SMARCA5: variants seen among roughly 807,000 people sequenced by gnomAD.
SMARCA5 encodes SWI/SNF-related matrix-associated actin-dependent regulator of chromatin subfamily A member 5.
A neutral mutation model predicts 140.4 loss-of-function variants in SMARCA5; 18 were observed. That is an observed-to-expected ratio of 0.13 (90% CI 0.09 to 0.19). The LOEUF (loss-of-function observed/expected upper bound fraction) is 0.19. Ranked by LOEUF, SMARCA5 falls within the 10% of genes least tolerant of loss-of-function variation. The pLI, the probability that SMARCA5 is intolerant of heterozygous loss-of-function variation, is 1.00. For synonymous variants in SMARCA5, 449 were observed against 419.6 expected, an observed-to-expected ratio of 1.07 and a Z score of -0.86; for missense variants, 606 against 1,276.8, an observed-to-expected ratio of 0.47 and a Z score of 8.01.
chr4:143,526,175 A>T, intron 5 of SMARCA5, 106 bp from the exon 6 acceptor site: 1 of 915,470 alleles, frequency 1.1e-6, no homozygotes, highest in Non-Finnish European at 1.7e-6. Flanking sequence ...ATTAACTGTT[A>T]TAAATATGTA....
intron 21 of SMARCA5, among the ~76,000 whole-genome samples, 164 bp from the exon 22 acceptor site, chr4:143,547,764 A>G (rs575187804): frequency 5.3e-5 from 8 of 152,206 alleles, no homozygotes; most frequent in African/African-American, 1.9e-4. Context: ...AATAAAGACT[A>G]TAAAGGTCTT....
At chr4:143,536,416 A>T (rs755523954) in intron 10 of SMARCA5, 36 bp from the exon 11 acceptor site, 1 of 1,426,578 alleles carries the variant, frequency 7.0e-7, no homozygotes, top group African/African-American at 1.5e-5. Flanking sequence ...ATCAAGGAAC[A>T]TTTGAGCTCT....
At chr4:143,523,184 G>A (rs1195042399) in intron 3 of SMARCA5, among the ~76,000 whole-genome samples, 6 of 151,998 alleles carry the variant, frequency 3.9e-5, no homozygotes, top group East Asian at 1.9e-4. Context: ...ACGCCACCAC[G>A]CCCAGCTCAT....
At chr4:143,536,404 T>A (rs750742184) in intron 10 of SMARCA5, 48 bp from the exon 11 acceptor site, 2 of 1,301,598 alleles carry the variant, frequency 1.5e-6, no homozygotes, top group East Asian at 4.6e-5. Flanking sequence ...TGGCAGGGAT[T>A]GATCAAGGAA....
chr4:143,552,941 AGG>A (rs1737674761), intron 23 of SMARCA5, among the ~76,000 whole-genome samples, 176 bp from the exon 24 acceptor site: 2 of 33,540 alleles, frequency 6.0e-5, no homozygotes, highest in Admixed American at 6.4e-4. Flanking sequence ...TAAAATAAGT[AGG>A]TAAGATTATT....
chr4:143,523,086 GT>G (rs1394836307), intron 3 of SMARCA5, among the ~76,000 whole-genome samples: 3 of 152,108 alleles, frequency 2.0e-5, no homozygotes, highest in African/African-American at 7.2e-5. Flanking sequence ...CCAGGCTGGA[GT>G]GCGTGCAGTG....
rs1560825718 is a variant in SMARCA5, at chr4:143,556,976, G to A, written c.*3792G>A. Reference sequence around the variant, plus strand: ...GAATAGTTTCTCCACAGGCATAAGAGGCAAAGCATTGTTTCAGAAGTGGAC... The same window carrying A: ...GAATAGTTTCTCCACAGGCATAAGAAGCAAAGCATTGTTTCAGAAGTGGAC... On this transcript the variant is annotated 3_prime_UTR_variant, in exon 24 of 24. Transcript: ENST00000283131. 6.6e-6 allele frequency: 1 copy of A among 152,190 alleles called. No homozygotes were observed. The highest frequency in any genetic ancestry group is 1.9e-4 in the East Asian group (1 of 5,196). The allele number at this position is 152,190 out of a possible 1,614,324, so 9.4% of individuals were successfully genotyped here.
At chr4:143,553,065 A>G in intron 23 of SMARCA5, 54 bp from the exon 24 acceptor site, 4 of 1,321,136 alleles carry the variant, frequency 3.0e-6, no homozygotes, top group Non-Finnish European at 4.4e-6. Flanking sequence ...GTCTGCAACT[A>G]TATTTCATGT....
At position 143,513,828 on chromosome 4, in the gene SMARCA5, C is replaced by A; in HGVS notation, c.-97C>A. The A allele has an allele frequency of 7.3e-7, 1 of 1,371,840 alleles. No homozygotes were observed. The highest frequency in any genetic ancestry group is 9.8e-7 in the Non-Finnish European group (1 of 1,021,878). 85.0% of individuals were successfully genotyped at this position (1,371,840 alleles called of 1,614,324 possible). ...CTCGGGTGGGAGTCTCGCTCCTCCACCAGTTTATTGCGACGTAGCATCCAG... is the reference window on the plus strand; with the variant it reads ...CTCGGGTGGGAGTCTCGCTCCTCCAACAGTTTATTGCGACGTAGCATCCAG... On this transcript the variant is annotated 5_prime_UTR_variant, in exon 1 of 24. Transcript: ENST00000283131.
chr4:143,548,942 CTGTT>C (rs928071069), intron 22 of SMARCA5, among the ~76,000 whole-genome samples: 74 of 152,126 alleles, frequency 4.9e-4, no homozygotes, highest in African/African-American at 1.7e-3. Context: ...CTAGACATCA[CTGTT>C]TGTGATACCC....
At chr4:143,525,684 A>G in intron 5 of SMARCA5, 133 bp downstream of exon 5, 1 of 602,806 alleles carries the variant, frequency 1.7e-6, no homozygotes, top group Admixed American at 2.8e-5. Context: ...AGCTTGCCTT[A>G]GTTGCATAAG....
chr4:143,522,859 GTAA>G (rs981878645), intron 3 of SMARCA5, among the ~76,000 whole-genome samples: 5 of 152,048 alleles, frequency 3.3e-5, no homozygotes, highest in African/African-American at 2.4e-5. Context: ...ATTGGAAATA[GTAA>G]TAATAAATTG....
chr4:143,538,175 G>A (rs1331272577), intron 11 of SMARCA5, among the ~76,000 whole-genome samples: 1 of 152,138 alleles, frequency 6.6e-6, no homozygotes, highest in Non-Finnish European at 1.5e-5. Flanking sequence ...ACATATTATG[G>A]TCCTTTGATC....
chr4:143,546,257 G>A (rs930164207), intron 19 of SMARCA5, among the ~76,000 whole-genome samples: 5 of 152,114 alleles, frequency 3.3e-5, no homozygotes, highest in African/African-American at 1.2e-4. Context: ...ACTCTGGCTC[G>A]GTAGAGTGGG....
chr4:143,520,731 T>G (rs1257703012), intron 2 of SMARCA5, among the ~76,000 whole-genome samples: 1 of 152,198 alleles, frequency 6.6e-6, no homozygotes, highest in Admixed American at 6.6e-5. Context: ...TGTTTTTGTA[T>G]AAAGGCTGCC....
chr4:143,553,096 G>A (rs1001751473), intron 23 of SMARCA5, 23 bp from the exon 24 acceptor site: 1 of 1,591,000 alleles, frequency 6.3e-7, no homozygotes, highest in Non-Finnish European at 8.6e-7. Context: ...CTTGTGAAAA[G>A]TAATCCTTCT....
At chr4:143,544,913 C>A in intron 17 of SMARCA5, 66 bp downstream of exon 17, 5 of 743,108 alleles carry the variant, frequency 6.7e-6, no homozygotes, top group Non-Finnish European at 1.1e-5. Context: ...TTCATATATT[C>A]TTGCAAAAAG....
In SMARCA5 at chr4:143,550,225, C is replaced by CTTTT. The variant is rs70953739; in HGVS notation, c.3093+138_3093+141dup. 266 of 215,416 alleles carry CTTTT rather than the reference C, an allele frequency of 1.2e-3. 1 individual carries two copies. Among genetic ancestry groups the CTTTT allele is most frequent in the Middle Eastern group, 2.5e-3 (2 of 788 alleles). 13.3% of individuals were successfully genotyped at this position (215,416 alleles called of 1,614,324 possible). A position where few individuals can be genotyped will look rare whatever the true frequency, so the allele number is the denominator to read the frequency against. ...GTTGTGCACCCCTCCATTGCCTTTACTTTTTTTTTTTTTTTTTTTTCCTTA... is the reference window on the plus strand; with the variant it reads ...GTTGTGCACCCCTCCATTGCCTTTACTTTTTTTTTTTTTTTTTTTTTTTTCCTTA... On this transcript the variant is annotated intron_variant, in intron 23 of 23. Coordinates refer to ENST00000283131, the MANE Select transcript of SMARCA5 (RefSeq NM_003601.4).
chr4:143,519,721 G>GTAC (rs1216896549), intron 2 of SMARCA5, among the ~76,000 whole-genome samples: 3 of 152,106 alleles, frequency 2.0e-5, no homozygotes, highest in Non-Finnish European at 4.4e-5. Flanking sequence ...AGAATGCTGA[G>GTAC]TACTACTTCA....
Sources: gnomAD v4.1 joint callset for allele counts (sites outside exome capture counted in the v4.1 genomes callset) on GRCh38, gnomAD v4.1.1 for gene constraint, MANE v1.5 for transcripts, NCBI Gene and HGNC (gene_info 2026-07-23, HGNC 2026-07-21) for gene names.